Variants in CPEB1 observed in about 807,000 individuals in gnomAD.
CPEB1 encodes cytoplasmic polyadenylation element-binding protein 1.
A neutral mutation model predicts 65.8 loss-of-function variants in CPEB1; 7 were observed. The observed-to-expected ratio is 0.11, with a 90% confidence interval of 0.06 to 0.20. CPEB1 has a LOEUF of 0.20. Among genes scored for constraint, CPEB1 ranks in the 10% least tolerant of loss-of-function variants. CPEB1 has a pLI of 1.00. For synonymous variants in CPEB1, 262 were observed against 260.0 expected (o/e 1.01, Z -0.08); for missense variants, 551 against 712.2 (o/e 0.77, Z 2.58).
intron 6 of CPEB1, among the ~76,000 whole-genome samples, chr15:82,554,543 A>G (rs562491287): frequency 6.2e-4 from 94 of 152,314 alleles, no homozygotes; most frequent in African/African-American, 2.2e-3. Context: ...AACTGTTCCA[A>G]GCCAGACTCA....
chr15:82,592,746 A>G (rs1042009638), intron 3 of CPEB1, among the ~76,000 whole-genome samples: 1 of 152,062 alleles, frequency 6.6e-6, no homozygotes, highest in Non-Finnish European at 1.5e-5. Flanking sequence ...AGCACTTTGG[A>G]AGGTGGCCAA....
At chr15:82,600,725 C>A (rs1326192438) in intron 3 of CPEB1, among the ~76,000 whole-genome samples, 1 of 151,804 alleles carries the variant, frequency 6.6e-6, no homozygotes, top group Non-Finnish European at 1.5e-5. Context: ...TATGTTTGCC[C>A]AAGAGGCCAT....
intron 4 of CPEB1, among the ~76,000 whole-genome samples, chr15:82,567,216 A>C (rs1229447035): frequency 6.6e-6 from 1 of 152,166 alleles, no homozygotes; most frequent in Non-Finnish European, 1.5e-5. Flanking sequence ...GTTTGGAAGA[A>C]GCTTCAGATG....
At chr15:82,626,466 TA>T (rs1236350419) in intron 3 of CPEB1, among the ~76,000 whole-genome samples, 1 of 151,854 alleles carries the variant, frequency 6.6e-6, no homozygotes, top group Non-Finnish European at 1.5e-5. Flanking sequence ...AAAGAAAATA[TA>T]AAATAAAATA....
intron 3 of CPEB1, among the ~76,000 whole-genome samples, chr15:82,587,902 G>A (rs1029165368): frequency 6.6e-6 from 1 of 151,324 alleles, no homozygotes; most frequent in African/African-American, 2.4e-5. Context: ...TGAGGATAAC[G>A]GCCAAATTTT....
Position 82,634,183 on chromosome 15 carries a change from G to GT in CPEB1, c.-97-5628_-97-5627insA, listed in dbSNP as rs1350177413. On this transcript the variant is annotated intron_variant, in intron 1 of 12. Coordinates refer to ENST00000684509, the MANE Select transcript of CPEB1 (RefSeq NM_001365242.1). ...TATTTACTTGTTTTAGCATATAACT[G>GT]GTTTTTTTTTTTTTCCATCTATGGT... Among the ~76,000 whole-genome samples the GT allele has an allele frequency of 5.9e-3, 616 of 103,702 alleles. 2 individuals are homozygous for GT. The highest frequency in any genetic ancestry group is 5.2e-3 in the Non-Finnish European group (281 of 54,174). The allele number at this position is 103,702 out of a possible 152,430, so 68.0% of individuals were successfully genotyped here.
In CPEB1 at chr15:82,549,672, A is replaced by G; in HGVS notation, c.1282-14T>C. The G allele has an allele frequency of 6.2e-7, 1 of 1,613,408 alleles. No individual in the cohort carries two copies. Among genetic ancestry groups the G allele is most frequent in the Non-Finnish European group, 8.5e-7 (1 of 1,179,404 alleles). ...GATCACCTGCACCTGAAAACCACCC[A>G]AAGGTGTATCAGCCCTGGCAGAGAG... On this transcript the variant is annotated splice_polypyrimidine_tract_variant and intron_variant, in intron 9 of 12. Transcript: ENST00000684509.
intron 3 of CPEB1, among the ~76,000 whole-genome samples, chr15:82,590,392 A>G (rs2042151119): frequency 6.6e-6 from 1 of 152,136 alleles, no homozygotes; most frequent in East Asian, 1.9e-4. Flanking sequence ...TGCAATTGTT[A>G]CAATTTTAGA....
intron 3 of CPEB1, among the ~76,000 whole-genome samples, chr15:82,614,286 C>T (rs990406287): frequency 6.6e-6 from 1 of 151,996 alleles, no homozygotes; most frequent in Admixed American, 6.5e-5. Context: ...ATTACAGGCA[C>T]GAGCCACTGC....
intron 3 of CPEB1, among the ~76,000 whole-genome samples, chr15:82,622,123 C>T (rs937379417): frequency 5.9e-5 from 9 of 152,094 alleles, no homozygotes; most frequent in African/African-American, 2.2e-4. Context: ...TCACAGATTC[C>T]AAAAGGTCTA....
At chr15:82,554,512 C>A (rs960351103) in intron 6 of CPEB1, among the ~76,000 whole-genome samples, 2 of 152,164 alleles carry the variant, frequency 1.3e-5, no homozygotes, top group African/African-American at 4.8e-5. Context: ...CACTGGCAAC[C>A]CAGTAAGACA....
intron 4 of CPEB1, among the ~76,000 whole-genome samples, chr15:82,564,937 G>T (rs1225143127): frequency 6.6e-6 from 1 of 152,052 alleles, no homozygotes; most frequent in Non-Finnish European, 1.5e-5. Flanking sequence ...GAAAAACGGG[G>T]AAAGGACTTG....
chr15:82,606,679 G>A lies in CPEB1; in HGVS notation c.271+20514C>T, dbSNP rs1450465086. On this transcript the variant is annotated intron_variant, in intron 3 of 12. Transcript: ENST00000684509. ...TAAAAATACAAAAAATTAGCCGGGCGTAGTGGCGGGCGCCTGTAGTCCCAG... is the reference window on the plus strand; with the variant it reads ...TAAAAATACAAAAAATTAGCCGGGCATAGTGGCGGGCGCCTGTAGTCCCAG... 1.3e-4 allele frequency among the ~76,000 whole-genome samples: 13 copies of A among 101,630 alleles called. 4 individuals carry two copies. Among genetic ancestry groups the A allele is most frequent in the South Asian group, 1.1e-3 (3 of 2,616 alleles). 66.7% of individuals were successfully genotyped at this position (101,630 alleles called of 152,430 possible).
chr15:82,640,260 T>A (rs1019871130), intron 1 of CPEB1, among the ~76,000 whole-genome samples: 54 of 152,138 alleles, frequency 3.5e-4, no homozygotes, highest in African/African-American at 1.3e-3. Flanking sequence ...CGGTAGCTGG[T>A]ACTACAGGTG....
At position 82,557,743 on chromosome 15, in the gene CPEB1, C is replaced by T; in HGVS notation, c.687+17G>A. 6.2e-7 allele frequency: 1 copy of T among 1,610,040 alleles called. No homozygotes were observed. Among genetic ancestry groups the T allele is most frequent in the Non-Finnish European group, 8.5e-7 (1 of 1,177,126 alleles). ...CAACTCCACCCACAACTCCCCTTTCCCAAATGAGTTACATACAATCAAATC... is the reference window on the plus strand; with the variant it reads ...CAACTCCACCCACAACTCCCCTTTCTCAAATGAGTTACATACAATCAAATC... On this transcript the variant is annotated intron_variant, in intron 5 of 12. Coordinates refer to ENST00000684509, the MANE Select transcript of CPEB1 (RefSeq NM_001365242.1).
chr15:82,600,476 G>A (rs1229846217), intron 3 of CPEB1, among the ~76,000 whole-genome samples: 1 of 151,966 alleles, frequency 6.6e-6, no homozygotes, highest in Non-Finnish European at 1.5e-5. Context: ...ATGAAAAGAG[G>A]ACACATCTAA....
intron 3 of CPEB1, among the ~76,000 whole-genome samples, chr15:82,623,153 T>A (rs1271372414): frequency 6.6e-6 from 1 of 152,214 alleles, no homozygotes; most frequent in East Asian, 1.9e-4. Context: ...TAAAGTAATT[T>A]TAATTCTCTT....
chr15:82,621,988 T>C (rs1038211312), intron 3 of CPEB1, among the ~76,000 whole-genome samples: 22 of 152,216 alleles, frequency 1.4e-4, no homozygotes, highest in Admixed American at 5.9e-4. Context: ...CCTACCCATA[T>C]AGCAGTTAAG....
intron 1 of CPEB1, among the ~76,000 whole-genome samples, chr15:82,630,514 G>A (rs2046148929): frequency 6.6e-6 from 1 of 152,130 alleles, no homozygotes; most frequent in African/African-American, 2.4e-5. Flanking sequence ...GCTGAGGTAG[G>A]AGGAATGCTT....
Sources: allele counts gnomAD v4.1 joint callset (sites outside exome capture counted in the v4.1 genomes callset), GRCh38; gene constraint gnomAD v4.1.1; transcripts MANE v1.5; gene names NCBI Gene and HGNC (gene_info 2026-07-23, HGNC 2026-07-21).